The following MYRIP variants were observed in gnomAD, a reference collection of about 807,000 sequenced individuals.
MYRIP encodes the protein myosin VIIA and Rab interacting protein, also known as rab effector MyRIP.
A neutral mutation model predicts 98.0 loss-of-function variants in MYRIP; 49 were observed. The ratio of observed to expected loss-of-function variants is 0.50; its 90% CI spans 0.40 to 0.63. MYRIP has a LOEUF of 0.63. Among genes scored for constraint, MYRIP ranks in the 30% least tolerant of loss-of-function variants. The pLI, the probability that MYRIP is intolerant of heterozygous loss-of-function variation, is 0.00. For missense variants in MYRIP, 1,004 were observed against 1,058.2 expected, an observed-to-expected ratio of 0.95 and a Z score of 0.71; for synonymous variants, 404 against 409.5, an observed-to-expected ratio of 0.99 and a Z score of 0.16.
chr3:40,203,612 T>C (rs1237090636), intron 10 of MYRIP, among the ~76,000 whole-genome samples: 3 of 146,366 alleles, frequency 2.0e-5, no homozygotes, highest in Non-Finnish European at 3.0e-5. Flanking sequence ...TTTAAAGATA[T>C]GACTTTCTGT....
chr3:40,061,278 C>T (rs951213723), intron 3 of MYRIP, among the ~76,000 whole-genome samples: 4 of 152,154 alleles, frequency 2.6e-5, no homozygotes, highest in Non-Finnish European at 4.4e-5. Flanking sequence ...TTTTCCCTTC[C>T]TCGTGTTCAT....
intron 1 of MYRIP, among the ~76,000 whole-genome samples, chr3:39,848,354 C>G (rs1310151386): frequency 6.6e-6 from 1 of 152,126 alleles, no homozygotes; most frequent in Non-Finnish European, 1.5e-5. Flanking sequence ...GAATACAAGC[C>G]TAATACTTCA....
intron 10 of MYRIP, 113 bp from the exon 11 acceptor site, chr3:40,209,741 T>C: frequency 5.7e-6 from 8 of 1,403,356 alleles, no homozygotes; most frequent in Non-Finnish European, 7.7e-6. Context: ...AGAAAGCTGT[T>C]ACTTTCCTAG....
At chr3:39,909,770 G>A (rs1394715976) in intron 2 of MYRIP, among the ~76,000 whole-genome samples, 1 of 152,178 alleles carries the variant, frequency 6.6e-6, no homozygotes, top group Non-Finnish European at 1.5e-5. Context: ...AGGGGAGGAA[G>A]AGACTGTTTT....
intron 3 of MYRIP, among the ~76,000 whole-genome samples, chr3:40,095,691 C>T (rs906838370): frequency 7.2e-5 from 11 of 152,084 alleles, no homozygotes; most frequent in Admixed American, 2.0e-4. Flanking sequence ...CATGCAGTCA[C>T]ACACATCTGC....
intron 2 of MYRIP, among the ~76,000 whole-genome samples, chr3:40,011,027 T>C (rs983084213): frequency 1.3e-5 from 2 of 151,724 alleles, no homozygotes; most frequent in African/African-American, 4.9e-5. Context: ...CCCATGTCAT[T>C]GAGAACCCAA....
intron 11 of MYRIP, among the ~76,000 whole-genome samples, chr3:40,216,194 C>T (rs935884630): frequency 1.3e-5 from 2 of 152,174 alleles, no homozygotes. Context: ...AAGGATATCA[C>T]CCCAGCCACA....
At chr3:39,850,486 A>G (rs908288500) in intron 1 of MYRIP, among the ~76,000 whole-genome samples, 3 of 152,344 alleles carry the variant, frequency 2.0e-5, no homozygotes, top group Admixed American at 2.0e-4. Context: ...ATTTGCTTAC[A>G]CTGTAATTGT....
chr3:40,097,410 A>G (rs1223988628), intron 3 of MYRIP, among the ~76,000 whole-genome samples: 3 of 152,084 alleles, frequency 2.0e-5, no homozygotes, highest in Admixed American at 1.3e-4. Context: ...TGGGCTTTCC[A>G]AAGAGTGAGT....
chr3:39,904,703 C>T (rs1559516974), intron 2 of MYRIP, among the ~76,000 whole-genome samples: 1 of 152,170 alleles, frequency 6.6e-6, no homozygotes, highest in Non-Finnish European at 1.5e-5. Flanking sequence ...CCCCCACTGT[C>T]TGCTACAGCT....
intron 11 of MYRIP, among the ~76,000 whole-genome samples, chr3:40,213,298 G>A (rs920723658): frequency 6.6e-6 from 1 of 152,218 alleles, no homozygotes; most frequent in Admixed American, 6.5e-5. Flanking sequence ...ATAGGGTTGT[G>A]AGGAATGAAT....
intron 2 of MYRIP, among the ~76,000 whole-genome samples, chr3:39,963,436 T>C (rs901039701): frequency 6.6e-6 from 1 of 152,190 alleles, no homozygotes; most frequent in Admixed American, 6.6e-5. Flanking sequence ...CATACATGCA[T>C]GCATTCATTC....
chr3:40,154,396 T>C (rs1170334156), intron 4 of MYRIP, among the ~76,000 whole-genome samples: 1 of 152,166 alleles, frequency 6.6e-6, no homozygotes, highest in Non-Finnish European at 1.5e-5. Context: ...GCTTAAGAGT[T>C]GGGGGTGATG....
intron 1 of MYRIP, among the ~76,000 whole-genome samples, chr3:39,856,820 C>T (rs981144534): frequency 2.6e-5 from 4 of 152,112 alleles, no homozygotes; most frequent in Non-Finnish European, 4.4e-5. Context: ...ATTAACTCCC[C>T]GATATGCAGA....
At chr3:39,867,486 A>AATG (rs1942659921) in intron 1 of MYRIP, among the ~76,000 whole-genome samples, 1 of 23,332 alleles carries the variant, frequency 4.3e-5, no homozygotes, top group Non-Finnish European at 7.3e-5. Context: ...AAAGCTCACA[A>AATG]ATCCCATTTA....
At chr3:39,887,661 T>A (rs1248918100) in intron 1 of MYRIP, among the ~76,000 whole-genome samples, 1 of 152,070 alleles carries the variant, frequency 6.6e-6, no homozygotes, top group African/African-American at 2.4e-5. Flanking sequence ...CAACATAGTG[T>A]TGAAAGTTCT....
At chr3:40,140,450 A>G (rs1949867114) in intron 3 of MYRIP, among the ~76,000 whole-genome samples, 1 of 152,150 alleles carries the variant, frequency 6.6e-6, no homozygotes, top group Admixed American at 6.5e-5. Context: ...CTTCGGTATA[A>G]TGATTTCCTT....
chr3:40,158,821 C>G (rs1460823262), intron 4 of MYRIP, among the ~76,000 whole-genome samples: 5 of 146,004 alleles, frequency 3.4e-5, no homozygotes, highest in Non-Finnish European at 7.4e-5. Flanking sequence ...ATTGCAACCC[C>G]TGCCTTATTT....
chr3:39,970,883 T>C (rs1416981438), intron 2 of MYRIP, among the ~76,000 whole-genome samples: 1 of 152,064 alleles, frequency 6.6e-6, no homozygotes, highest in Non-Finnish European at 1.5e-5. Flanking sequence ...CCCTCATATG[T>C]TCTTAGTTGA....
Sources: gnomAD v4.1 joint callset for allele counts (sites outside exome capture counted in the v4.1 genomes callset) on GRCh38, gnomAD v4.1.1 for gene constraint, MANE v1.5 for transcripts, NCBI Gene and HGNC (gene_info 2026-07-23, HGNC 2026-07-21) for gene names.